TSPAN7: variants seen among roughly 807,000 people sequenced by gnomAD.
TSPAN7 encodes the protein tetraspanin 7.
TSPAN7 carries 1 observed loss-of-function variant against 17.6 expected under a neutral mutation model. That is an observed-to-expected ratio of 0.06 (90% CI 0.02 to 0.27). The LOEUF is 0.27. TSPAN7 is among the 10% of genes least tolerant of loss of function. The pLI is 1.00. For synonymous variants in TSPAN7, 78 were observed against 79.0 expected (o/e 0.99, Z 0.07); for missense variants, 112 against 201.7 (o/e 0.56, Z 2.69).
intron 1 of TSPAN7, among the ~76,000 whole-genome samples, chrX:38,562,297 G>A (rs1463495688): frequency 9.0e-6 from 1 of 111,565 alleles, no homozygotes; most frequent in African/African-American, 3.3e-5. Context: ...TGAGTCTTTG[G>A]ATTCCTTTCC....
At chrX:38,614,708 C>A in intron 1 of TSPAN7, among the ~76,000 whole-genome samples, 1 of 112,559 alleles carries the variant, frequency 8.9e-6, no homozygotes, top group East Asian at 2.8e-4. Context: ...GGCTGAAGGT[C>A]ATTCATGGGC....
At chrX:38,622,550 C>T (rs191787964) in intron 1 of TSPAN7, among the ~76,000 whole-genome samples, 205 of 111,195 alleles carry the variant, frequency 1.8e-3, no homozygotes, top group African/African-American at 6.6e-3. Context: ...CAGGGTGAGA[C>T]CCTGTATTTA....
At position 38,580,940 on chromosome X, in the gene TSPAN7, C is replaced by G. The variant is rs2069224259; in HGVS notation, c.81+19313C>G. ...GCCCCAAGGGATAAATTCTCACTGA[C>G]TCCAGCCTTGGCTTCTAAAATCTGG... On this transcript the variant is annotated intron_variant, in intron 1 of 7. Coordinates refer to ENST00000378482, the MANE Select transcript of TSPAN7 (RefSeq NM_004615.4). Among the ~76,000 whole-genome samples, 2 of 112,012 alleles carry G rather than the reference C, an allele frequency of 1.8e-5. 1 individual carries two copies. The highest frequency in any genetic ancestry group is 7.5e-4 in the South Asian group (2 of 2,651).
chrX:38,662,550 G>C (rs1264794806), intron 1 of TSPAN7, among the ~76,000 whole-genome samples: 1 of 111,304 alleles, frequency 9.0e-6, no homozygotes, highest in Non-Finnish European at 1.9e-5. Flanking sequence ...GAGTGACTTT[G>C]AGGAGGCTGA....
At chrX:38,575,399 T>C (rs1325804352) in intron 1 of TSPAN7, among the ~76,000 whole-genome samples, 1 of 112,059 alleles carries the variant, frequency 8.9e-6, no homozygotes, top group East Asian at 2.8e-4. Flanking sequence ...AACTCTAAAA[T>C]CAATTCAATA....
At chrX:38,590,594 T>C (rs766341947) in intron 1 of TSPAN7, among the ~76,000 whole-genome samples, 2 of 111,825 alleles carry the variant, frequency 1.8e-5, no homozygotes, top group Non-Finnish European at 1.9e-5. Flanking sequence ...TCAACTTCTT[T>C]AGTAGATATA....
At chrX:38,650,784 A>G (rs1355703087) in intron 1 of TSPAN7, among the ~76,000 whole-genome samples, 2 of 111,379 alleles carry the variant, frequency 1.8e-5, no homozygotes, top group Non-Finnish European at 3.8e-5. Context: ...TGGACTTCTC[A>G]TTTGTCTAAG....
intron 1 of TSPAN7, among the ~76,000 whole-genome samples, chrX:38,579,726 G>A (rs189324948): frequency 2.0e-3 from 220 of 110,976 alleles, no homozygotes; most frequent in Non-Finnish European, 3.2e-3. Flanking sequence ...AACAGAGAAC[G>A]ATATGATAAT....
At chrX:38,621,595 A>G (rs985625593) in intron 1 of TSPAN7, among the ~76,000 whole-genome samples, 4 of 112,484 alleles carry the variant, frequency 3.6e-5, no homozygotes, top group African/African-American at 1.3e-4. Context: ...ATTGCAAATT[A>G]TCCCCTGAAC....
At chrX:38,663,162 CA>C (rs1569313975) in intron 1 of TSPAN7, among the ~76,000 whole-genome samples, 8 of 107,082 alleles carry the variant, frequency 7.5e-5, no homozygotes, top group Non-Finnish European at 1.5e-4. Context: ...TACACACACA[CA>C]CACACACACA....
chrX:38,677,834 G>A (rs2069864527), intron 5 of TSPAN7, among the ~76,000 whole-genome samples: 1 of 112,357 alleles, frequency 8.9e-6, no homozygotes, highest in African/African-American at 3.2e-5. Context: ...GTGGAAGATT[G>A]GAATGGGGTA....
rs2069334945 is a variant in TSPAN7, at chrX:38,599,572, A to C, written c.81+37945A>C. On this transcript the variant is annotated intron_variant, in intron 1 of 7. Coordinates refer to ENST00000378482, the MANE Select transcript of TSPAN7 (RefSeq NM_004615.4). ...TTATGAAAATGAGAAAATAATGGGA[A>C]AATCACACAAATAGCCAGCCTTTTT... Among the ~76,000 whole-genome samples, 4 of 111,538 alleles carry C rather than the reference A, an allele frequency of 3.6e-5. No homozygotes were observed. In the Admixed American group the frequency reaches 3.8e-4, roughly 11 times the overall value.
chrX:38,587,806 C>T lies in TSPAN7; in HGVS notation c.81+26179C>T, dbSNP rs183920113. 1.8e-3 allele frequency among the ~76,000 whole-genome samples: 205 copies of T among 112,173 alleles called. 1 individual carries two copies. Among genetic ancestry groups the T allele is most frequent in the African/African-American group, 6.2e-3 (190 of 30,882 alleles). ...TTATGTCCACAAATTCCTAGATTCT[C>T]TTTGCATCTTCTAGGTCTTTTTTAT... On this transcript the variant is annotated intron_variant, in intron 1 of 7. Transcript: ENST00000378482.
At chrX:38,642,341 A>G in intron 1 of TSPAN7, among the ~76,000 whole-genome samples, 1 of 112,238 alleles carries the variant, frequency 8.9e-6, no homozygotes, top group Middle Eastern at 4.6e-3. Context: ...CCAATCTCCC[A>G]GTGGGTATTT....
intron 5 of TSPAN7, 126 bp from the exon 6 acceptor site, chrX:38,681,078 A>C: frequency 3.6e-6 from 2 of 560,129 alleles, no homozygotes; most frequent in South Asian, 4.7e-5. Flanking sequence ...ATAAATCCCT[A>C]GAGTGAGTTG....
At chrX:38,582,433 A>T (rs747941031) in intron 1 of TSPAN7, among the ~76,000 whole-genome samples, 3 of 112,282 alleles carry the variant, frequency 2.7e-5, no homozygotes, top group Non-Finnish European at 3.8e-5. Context: ...CCTGTCCCAG[A>T]TCTATCAAGT....
intron 1 of TSPAN7, among the ~76,000 whole-genome samples, chrX:38,623,854 T>C (rs145088111): frequency 8.0e-4 from 86 of 107,670 alleles, no homozygotes; most frequent in African/African-American, 2.8e-3. Flanking sequence ...AAACCCCCAC[T>C]TCTTTATTTC....
At position 38,573,385 on chromosome X, in the gene TSPAN7, CACTT is replaced by C. The variant is rs763887979; in HGVS notation, c.81+11761_81+11764del. 4.5e-5 allele frequency among the ~76,000 whole-genome samples: 5 copies of C among 111,656 alleles called. No homozygotes were observed. In the East Asian group the frequency reaches 1.1e-3, roughly 25 times the overall value. On this transcript the variant is annotated intron_variant, in intron 1 of 7. Transcript: ENST00000378482. Reference sequence around the variant, plus strand: ...TTAGGATGAATAAATATAAGTCTGACACTTACAGTCAAATGAGGAATTGGTGACT... The same window carrying C: ...TTAGGATGAATAAATATAAGTCTGACACAGTCAAATGAGGAATTGGTGACT...
At chrX:38,594,969 T>C (rs1195966323) in intron 1 of TSPAN7, among the ~76,000 whole-genome samples, 1 of 111,759 alleles carries the variant, frequency 8.9e-6, no homozygotes, top group Non-Finnish European at 1.9e-5. Flanking sequence ...TTCCTTTTTT[T>C]TATAGCAGCT....
Sources: allele counts gnomAD v4.1 joint callset (sites outside exome capture counted in the v4.1 genomes callset), GRCh38; gene constraint gnomAD v4.1.1; transcripts MANE v1.5; gene names NCBI Gene and HGNC (gene_info 2026-07-23, HGNC 2026-07-21).